The following SDAD1 variants were observed in gnomAD, a reference collection of about 807,000 sequenced individuals.
SDAD1 encodes SDA1 domain containing 1.
A neutral mutation model predicts 100.3 loss-of-function variants in SDAD1; 79 were observed. That is an observed-to-expected ratio of 0.79 (90% CI 0.66 to 0.95). The LOEUF (loss-of-function observed/expected upper bound fraction) is 0.95. Ranked by LOEUF, SDAD1 falls within the 40% of genes least tolerant of loss-of-function variation. The pLI is 0.00. For synonymous variants in SDAD1, 267 were observed against 271.4 expected, an observed-to-expected ratio of 0.98 and a Z score of 0.16; for missense variants, 790 against 810.9, an observed-to-expected ratio of 0.97 and a Z score of 0.31.
chr4:75,985,635 C>A (rs1478783671), intron 1 of SDAD1, among the ~76,000 whole-genome samples: 3 of 152,162 alleles, frequency 2.0e-5, no homozygotes, highest in African/African-American at 4.8e-5. Context: ...GATTTCGTAT[C>A]CACATGGAGG....
intron 1 of SDAD1, among the ~76,000 whole-genome samples, chr4:75,983,467 T>C (rs1235593425): frequency 6.6e-6 from 1 of 152,258 alleles, no homozygotes; most frequent in Non-Finnish European, 1.5e-5. Context: ...GTTTCCTGAC[T>C]TTTTAATGAT....
chr4:75,977,126 C>A (rs1730198876), intron 4 of SDAD1, among the ~76,000 whole-genome samples: 1 of 152,146 alleles, frequency 6.6e-6, no homozygotes, highest in Non-Finnish European at 1.5e-5. Context: ...CATAAATCTT[C>A]AGCTTCTAGT....
intron 13 of SDAD1, among the ~76,000 whole-genome samples, chr4:75,964,793 T>C (rs1335326558): frequency 6.6e-6 from 1 of 152,204 alleles, no homozygotes; most frequent in African/African-American, 2.4e-5. Flanking sequence ...TTTGCTGCAA[T>C]CTCTGAACAT....
intron 21 of SDAD1, among the ~76,000 whole-genome samples, chr4:75,954,394 A>G (rs7696286): frequency 0.15 from 22,759 of 151,226 alleles, 2,704 homozygotes; most frequent in African/African-American, 0.33. Context: ...AAAAAAAAAA[A>G]AGAGAAAAGT....
intron 16 of SDAD1, among the ~76,000 whole-genome samples, chr4:75,960,602 TAG>T (rs1184409673): frequency 6.6e-6 from 1 of 152,228 alleles, no homozygotes; most frequent in Admixed American, 6.5e-5. Flanking sequence ...TGGTAGTTAT[TAG>T]AGAGTAACTG....
At position 75,980,468 on chromosome 4, in the gene SDAD1, G is replaced by C. The variant is rs547939934; in HGVS notation, c.294+904C>G. Among the ~76,000 whole-genome samples, 3 of 152,346 alleles carry C rather than the reference G, an allele frequency of 2.0e-5. No individual in the cohort carries two copies. The South Asian group carries it at 6.2e-4, about 32-fold the overall frequency. ...GATCATATTTGCGTACTTATCTGCTGTAAAGAGGTTTGAAAAGCAGATGTA... is the reference window on the plus strand; with the variant it reads ...GATCATATTTGCGTACTTATCTGCTCTAAAGAGGTTTGAAAAGCAGATGTA... On this transcript the variant is annotated intron_variant, in intron 3 of 21. Coordinates refer to ENST00000356260, the MANE Select transcript of SDAD1 (RefSeq NM_018115.4).
Position 75,981,401 on chromosome 4 carries a change from G to A in SDAD1, c.265C>T (p.His89Tyr), listed in dbSNP as rs775962849. 6.2e-7 allele frequency: 1 copy of A among 1,613,732 alleles called. No homozygotes were observed. The highest frequency in any genetic ancestry group is 8.5e-7 in the Non-Finnish European group (1 of 1,179,808). The stretch of plus-strand genomic sequence containing the variant: ...CGCAGATCTGGATCCAATACGGTAT[G>A]ATTGCAGGAGAGAAGATCTTTCACC... Reference protein sequence around the residue: ...QEVKDLLSCNHTVLDPDLRMT... With the variant: ...QEVKDLLSCNYTVLDPDLRMT... Residue 89 changes from histidine to tyrosine, a missense_variant, in exon 3 of 22, where the codon CAT (histidine) becomes TAT (tyrosine). Coordinates refer to ENST00000356260, the MANE Select transcript of SDAD1 (RefSeq NM_018115.4).
At chr4:75,970,726 G>A (rs1560546368) in intron 9 of SDAD1, among the ~76,000 whole-genome samples, 2 of 152,176 alleles carry the variant, frequency 1.3e-5, no homozygotes, top group African/African-American at 2.4e-5. Flanking sequence ...GGAAGTTATT[G>A]GCTCATAGGG....
At chr4:75,990,658 G>A (rs759644454) in intron 1 of SDAD1, 94 bp downstream of exon 1, 3 of 1,603,444 alleles carry the variant, frequency 1.9e-6, no homozygotes, top group South Asian at 1.1e-5. Flanking sequence ...AATAGGCGGC[G>A]AGCCTGGATC....
At chr4:75,970,978 GT>G (rs987010621) in intron 9 of SDAD1, among the ~76,000 whole-genome samples, 15 of 152,120 alleles carry the variant, frequency 9.9e-5, no homozygotes, top group African/African-American at 3.1e-4. Flanking sequence ...TTATAGCAGT[GT>G]GAAAACAAAC....
intron 16 of SDAD1, 127 bp from the exon 17 acceptor site, chr4:75,960,319 C>T (rs1290768063): frequency 1.2e-6 from 1 of 862,422 alleles, no homozygotes; most frequent in African/African-American, 1.7e-5. Context: ...CTCTGTTGCC[C>T]AGACTGGAGT....
In SDAD1 at chr4:75,950,587, C is replaced by T. The variant is rs144188302; in HGVS notation, c.*163G>A. The T allele has an allele frequency of 0.011, 5,590 of 494,634 alleles. 101 individuals carry two copies. Among genetic ancestry groups the T allele is most frequent in the South Asian group, 0.04 (888 of 22,404 alleles). The allele number at this position is 494,634 out of a possible 1,614,324, so 30.6% of individuals were successfully genotyped here. A position where few individuals can be genotyped will look rare whatever the true frequency, so the allele number is the denominator to read the frequency against. ...TTACATTAACATTCCTACCATTAGC[C>T]GTCTCCAAAATAAAAACACAAAATT... On this transcript the variant is annotated 3_prime_UTR_variant, in exon 22 of 22. Transcript: ENST00000356260.
chr4:75,955,873 C>A, intron 21 of SDAD1, 102 bp downstream of exon 21: 1 of 1,321,166 alleles, frequency 7.6e-7, no homozygotes, highest in Admixed American at 2.3e-5. Context: ...AAGACACACA[C>A]AATAATGCCC....
chr4:75,978,982 G>GAAAAAAAAAAAAAAAAAAAAAAAA (rs538009004), intron 3 of SDAD1, among the ~76,000 whole-genome samples: 3 of 38,064 alleles, frequency 7.9e-5, no homozygotes, highest in African/African-American at 1.2e-4. Flanking sequence ...CCCTGTCTCA[G>GAAAAAAAAAAAAAAAAAAAAAAAA]AAAAAAAAAA....
chr4:75,974,793 G>A (rs1730066726), intron 6 of SDAD1, among the ~76,000 whole-genome samples: 1 of 152,046 alleles, frequency 6.6e-6, no homozygotes. Flanking sequence ...TGTAATCCCA[G>A]CACTTTGGGA....
intron 13 of SDAD1, 71 bp downstream of exon 13, chr4:75,965,693 G>C (rs540259351): frequency 7.9e-7 from 1 of 1,264,790 alleles, no homozygotes; most frequent in East Asian, 2.3e-5. Context: ...TCCCCCGATA[G>C]ACCCTGAAGT....
chr4:75,970,373 T>C lies in SDAD1; in HGVS notation c.819A>G (p.Gln273=). ...ACACCTCTGGTTTTTTCTTCTTTTTTTGTTTCTGAAAGGGAGAGGAAAAAC... is the reference window on the plus strand; with the variant it reads ...ACACCTCTGGTTTTTTCTTCTTTTTCTGTTTCTGAAAGGGAGAGGAAAAAC... ...LEKAMKVLKK[Q]KKKKKPEVFN... is the part of the protein sequence containing the mutation. Residue 273 remains glutamine, a synonymous_variant, in exon 10 of 22, where the codon CAA becomes CAG. Coordinates refer to ENST00000356260, the MANE Select transcript of SDAD1 (RefSeq NM_018115.4). 1 of 1,613,242 alleles carries C rather than the reference T, an allele frequency of 6.2e-7. No individual in the cohort carries two copies. Among genetic ancestry groups the C allele is most frequent in the Non-Finnish European group, 8.5e-7 (1 of 1,179,266 alleles).
intron 16 of SDAD1, 57 bp from the exon 17 acceptor site, chr4:75,960,249 GA>G: frequency 7.3e-7 from 1 of 1,364,936 alleles, no homozygotes; most frequent in Non-Finnish European, 1.0e-6. Flanking sequence ...CCTTAATCAT[GA>G]AAGGTAGTCT....
At chr4:75,973,654 G>A (rs1729992490) in intron 7 of SDAD1, among the ~76,000 whole-genome samples, 1 of 152,044 alleles carries the variant, frequency 6.6e-6, no homozygotes, top group Non-Finnish European at 1.5e-5. Context: ...TCCCCTATAA[G>A]AAAAGTGACA....
Sources: gnomAD v4.1 joint callset for allele counts (sites outside exome capture counted in the v4.1 genomes callset) on GRCh38, gnomAD v4.1.1 for gene constraint, MANE v1.5 for transcripts, NCBI Gene and HGNC (gene_info 2026-07-23, HGNC 2026-07-21) for gene names.